Variants in MAD1L1 observed in about 807,000 individuals in gnomAD.
MAD1L1 encodes the protein mitotic spindle assembly checkpoint protein MAD1.
Under a neutral mutation model 96.9 loss-of-function variants are expected in MAD1L1, and 95 were observed. That is an observed-to-expected ratio of 0.98 (90% CI 0.83 to 1.16). MAD1L1 has a LOEUF of 1.16. MAD1L1 is among the 50% of genes most tolerant of loss of function. The probability of loss-of-function intolerance (pLI) is 0.00; values close to 1 mark genes in which losing one functional copy is unlikely to be tolerated. For synonymous variants in MAD1L1, 473 were observed against 396.6 expected, an observed-to-expected ratio of 1.19 and a Z score of -2.29; for missense variants, 1,007 against 954.4, an observed-to-expected ratio of 1.06 and a Z score of -0.73.
At chr7:2,070,632 C>T (rs919923827) in intron 11 of MAD1L1, among the ~76,000 whole-genome samples, 16 of 152,252 alleles carry the variant, frequency 1.1e-4, no homozygotes, top group Non-Finnish European at 2.1e-4. Flanking sequence ...GAGCTGCACA[C>T]GACTCTATTG....
chr7:2,163,954 C>T (rs767299999), intron 10 of MAD1L1, among the ~76,000 whole-genome samples: 4 of 152,012 alleles, frequency 2.6e-5, no homozygotes, highest in African/African-American at 4.8e-5. Flanking sequence ...AGAGTTAACA[C>T]CTTAGTGTCT....
At chr7:2,132,455 T>G (rs1788563540) in intron 11 of MAD1L1, among the ~76,000 whole-genome samples, 1 of 151,586 alleles carries the variant, frequency 6.6e-6, no homozygotes, top group African/African-American at 2.4e-5. Flanking sequence ...CACGGCCGCG[T>G]GCAGTCGGTC....
chr7:2,209,746 A>C (rs1792803123), intron 10 of MAD1L1, among the ~76,000 whole-genome samples: 1 of 152,086 alleles, frequency 6.6e-6, no homozygotes, highest in Non-Finnish European at 1.5e-5. Flanking sequence ...AGGCAAGCAG[A>C]CGCCAGCCCA....
intron 12 of MAD1L1, among the ~76,000 whole-genome samples, chr7:2,048,184 C>T (rs975787562): frequency 7.2e-5 from 11 of 152,208 alleles, no homozygotes; most frequent in African/African-American, 2.2e-4. Flanking sequence ...CCCGGGTGCA[C>T]GCATGTGCAC....
chr7:2,029,562 T>C lies in MAD1L1; in HGVS notation c.1219-14920A>G, dbSNP rs576037778. Among the ~76,000 whole-genome samples the C allele has an allele frequency of 3.9e-5, 6 of 152,262 alleles. No individual in the cohort carries two copies. The East Asian group carries it at 1.2e-3, about 29-fold the overall frequency. On this transcript the variant is annotated intron_variant, in intron 12 of 18. Coordinates refer to ENST00000265854, the MANE Select transcript of MAD1L1 (RefSeq NM_001013836.2). ...GTCTGTTATGCTCTAATAAAAAGAT[T>C]AAAAGGCAGTAATTTTTTTTTTTAA...
chr7:2,040,842 G>A lies in MAD1L1; in HGVS notation c.1219-26200C>T, dbSNP rs142271466. Among the ~76,000 whole-genome samples, 21 of 152,314 alleles carry A rather than the reference G, an allele frequency of 1.4e-4. No individual in the cohort carries two copies. The South Asian group carries it at 1.4e-3, about 11-fold the overall frequency. ...TTAACAGAAGGATCAAAGAAAATGC[G>A]TCAACTCCATCTTCCTGCAAACAGA... On this transcript the variant is annotated intron_variant, in intron 12 of 18. Coordinates refer to ENST00000265854, the MANE Select transcript of MAD1L1 (RefSeq NM_001013836.2).
intron 10 of MAD1L1, among the ~76,000 whole-genome samples, chr7:2,203,603 A>T (rs1442141734): frequency 6.6e-6 from 1 of 152,236 alleles, no homozygotes; most frequent in African/African-American, 2.4e-5. Context: ...CTGGAGTCTG[A>T]GTCCGTCTGC....
intron 18 of MAD1L1, chr7:1,847,439 C>T (rs1480180002): frequency 4.2e-6 from 2 of 470,914 alleles, no homozygotes; most frequent in East Asian, 1.4e-4. Flanking sequence ...CAGTGGAGAC[C>T]TCTACCCTTT....
rs754058257 is a variant in MAD1L1 at position 2,225,593 on chromosome 7, G to A, written c.151-43C>T. ...AAAGAAAAACAGAATCCTCAGTGAC[G>A]GCATCAAACCAGGTGAGTGACTCAG... On this transcript the variant is annotated intron_variant, in intron 3 of 18. Coordinates refer to ENST00000265854, the MANE Select transcript of MAD1L1 (RefSeq NM_001013836.2). The A allele has an allele frequency of 2.9e-5, 47 of 1,602,092 alleles. No individual in the cohort carries two copies. In the East Asian group the frequency reaches 3.8e-4, roughly 13 times the overall value.
chr7:1,889,600 G>T (rs745852335), intron 18 of MAD1L1, among the ~76,000 whole-genome samples: 4 of 152,200 alleles, frequency 2.6e-5, no homozygotes, highest in African/African-American at 7.2e-5. Flanking sequence ...CTGCAACGCA[G>T]AGAGATGCTT....
At chr7:2,218,886 G>A (rs1162075405) in intron 6 of MAD1L1, among the ~76,000 whole-genome samples, 1 of 151,046 alleles carries the variant, frequency 6.6e-6, no homozygotes, top group Admixed American at 6.6e-5. Flanking sequence ...GTGACACAGC[G>A]AGACTCAATC....
intron 18 of MAD1L1, 43 bp from the exon 19 acceptor site, chr7:1,816,271 A>G (rs1416606799): frequency 1.9e-6 from 3 of 1,583,000 alleles, no homozygotes; most frequent in East Asian, 4.5e-5. Context: ...GGTCAGCCCG[A>G]CAGGCCTCTC....
chr7:2,167,552 A>AAAT (rs143994964), intron 10 of MAD1L1, among the ~76,000 whole-genome samples: 6,451 of 150,608 alleles, frequency 0.043, 343 homozygotes, highest in African/African-American at 0.13. Flanking sequence ...CCGTCTCAAA[A>AAAT]AATAATAATA....
At position 2,219,283 on chromosome 7, in the gene MAD1L1, G is replaced by GC. The variant is rs1562383276; in HGVS notation, c.596+48dup. ...CCACCAGGAGAGAGGTGGGACGCAT[G>GC]CCCCCACACGTGACCCGACCCCCGA... On this transcript the variant is annotated intron_variant, in intron 6 of 18. Coordinates refer to ENST00000265854, the MANE Select transcript of MAD1L1 (RefSeq NM_001013836.2). 4.0e-6 allele frequency: 6 copies of GC among 1,497,782 alleles called. No individual in the cohort carries two copies. In the African/African-American group the frequency reaches 7.0e-5, roughly 17 times the overall value. The allele number at this position is 1,497,782 out of a possible 1,614,324, so 92.8% of individuals were successfully genotyped here. A position where few individuals can be genotyped will look rare whatever the true frequency, so the allele number is the denominator to read the frequency against.
At chr7:2,227,982 C>A (rs973964979) in intron 3 of MAD1L1, among the ~76,000 whole-genome samples, 1 of 152,144 alleles carries the variant, frequency 6.6e-6, no homozygotes, top group Non-Finnish European at 1.5e-5. Flanking sequence ...CCCCGGCCTG[C>A]CATGTTCTCC....
At chr7:2,152,902 G>A (rs1375247066) in intron 10 of MAD1L1, among the ~76,000 whole-genome samples, 4 of 152,198 alleles carry the variant, frequency 2.6e-5, no homozygotes, top group African/African-American at 7.2e-5. Flanking sequence ...GTGTCTGGAT[G>A]TCGCCGGGGA....
At chr7:1,954,054 C>G (rs910821579) in intron 16 of MAD1L1, among the ~76,000 whole-genome samples, 1 of 152,152 alleles carries the variant, frequency 6.6e-6, no homozygotes, top group Admixed American at 6.5e-5. Flanking sequence ...CTGTGAGCCC[C>G]GACCAGCCTC....
intron 11 of MAD1L1, chr7:2,080,051 G>T: frequency 3.6e-6 from 1 of 273,974 alleles, no homozygotes; most frequent in South Asian, 3.6e-5. Context: ...CTCGCCTAAT[G>T]CACAGGACAG....
chr7:1,989,948 C>A (rs1296997516), intron 14 of MAD1L1, among the ~76,000 whole-genome samples: 1 of 152,232 alleles, frequency 6.6e-6, no homozygotes, highest in African/African-American at 2.4e-5. Context: ...TAAATAGAGA[C>A]CTTGCATTCG....
Sources: gnomAD v4.1 joint callset for allele counts (sites outside exome capture counted in the v4.1 genomes callset) on GRCh38, gnomAD v4.1.1 for gene constraint, MANE v1.5 for transcripts, NCBI Gene and HGNC (gene_info 2026-07-23, HGNC 2026-07-21) for gene names.